CYRIB: variants seen among roughly 807,000 people sequenced by gnomAD.
CYRIB encodes CYFIP-related Rac1 interactor B.
CYRIB carries 8 observed loss-of-function variants against 44.2 expected under a neutral mutation model. That is an observed-to-expected ratio of 0.18 (90% CI 0.11 to 0.33). CYRIB has a LOEUF of 0.33. CYRIB is among the 10% of genes least tolerant of loss of function. The pLI is 1.00. For missense variants in CYRIB, 185 were observed against 382.8 expected (o/e 0.48, Z 4.31); for synonymous variants, 131 against 127.2 (o/e 1.03, Z -0.20).
intron 1 of CYRIB, among the ~76,000 whole-genome samples, chr8:129,906,629 G>A (rs1462457045): frequency 1.3e-5 from 2 of 152,278 alleles, no homozygotes; most frequent in East Asian, 3.9e-4. Context: ...AAGAGCTTCT[G>A]CACAGCAAAA....
intron 1 of CYRIB, among the ~76,000 whole-genome samples, chr8:129,991,737 G>T (rs1293681514): frequency 6.7e-6 from 1 of 149,922 alleles, no homozygotes; most frequent in Non-Finnish European, 1.5e-5. Context: ...ATCACTTGAG[G>T]CCAGGAGTTC....
At chr8:129,876,132 CTTCCATGATGATT>C (rs2059042188) in intron 3 of CYRIB, among the ~76,000 whole-genome samples, 1 of 150,678 alleles carries the variant, frequency 6.6e-6, no homozygotes, top group African/African-American at 2.4e-5. Context: ...AAAAAAAGGT[CTTCCATGATGATT>C]CTCAATCTAC....
rs1208917896 is a variant in CYRIB at position 129,880,647 on chromosome 8, A to G, written c.-10-1176T>C. Among the ~76,000 whole-genome samples, 4 of 152,326 alleles carry G rather than the reference A, an allele frequency of 2.6e-5. No individual in the cohort carries two copies. The South Asian group carries it at 8.3e-4, about 32-fold the overall frequency. On this transcript the variant is annotated intron_variant, in intron 2 of 11. Transcript: ENST00000519824. ...TATAGCTCCTGTCCCTCTTTTCCAC[A>G]TATCAAAAAAGTTACATAAAGCAAG... is the stretch of plus-strand genomic sequence containing the variant.
At chr8:129,926,863 A>G (rs188536624) in intron 1 of CYRIB, among the ~76,000 whole-genome samples, 173 of 152,380 alleles carry the variant, frequency 1.1e-3, no homozygotes, top group African/African-American at 3.3e-3. Context: ...ACCAACTGCC[A>G]AAAAGTTAAT....
chr8:129,952,811 G>A (rs970391826), intron 2 of CYRIB, among the ~76,000 whole-genome samples: 1 of 152,248 alleles, frequency 6.6e-6, no homozygotes, highest in African/African-American at 2.4e-5. Flanking sequence ...ATAAAGGAAA[G>A]ACAATTTACC....
chr8:129,976,364 T>C (rs555836317), intron 1 of CYRIB, among the ~76,000 whole-genome samples: 2 of 152,356 alleles, frequency 1.3e-5, no homozygotes, highest in East Asian at 1.9e-4. Context: ...TAATAATGGA[T>C]ATTCAGAATT....
chr8:130,006,367 T>A (rs1023662457), intron 1 of CYRIB, among the ~76,000 whole-genome samples: 1 of 149,854 alleles, frequency 6.7e-6, no homozygotes, highest in Middle Eastern at 3.4e-3. Flanking sequence ...TATAGTCCCA[T>A]CTACTTGGGG....
Position 129,929,845 on chromosome 8 carries a change from G to A in CYRIB, c.-50+9763C>T, listed in dbSNP as rs1271155163. Among the ~76,000 whole-genome samples, 3 of 152,036 alleles carry A rather than the reference G, an allele frequency of 2.0e-5. No individual in the cohort carries two copies. In the East Asian group the frequency reaches 5.8e-4, roughly 29 times the overall value. ...AACTACCTGGAATAAATTGTTTTAG[G>A]GTACCGGTACCTGTTTAGCCCTACT... On this transcript the variant is annotated intron_variant, in intron 1 of 11. Coordinates refer to ENST00000519824, the Ensembl canonical transcript of CYRIB.
intron 1 of CYRIB, among the ~76,000 whole-genome samples, chr8:129,986,773 G>A (rs149575265): frequency 0.013 from 1,927 of 152,224 alleles, 26 homozygotes; most frequent in Non-Finnish European, 0.02. Flanking sequence ...TATAAGTTAC[G>A]CAGTTTCAGG....
upstream of CYRIB, among the ~76,000 whole-genome samples, chr8:129,944,400 T>A (rs1241368061): frequency 2.0e-5 from 3 of 152,226 alleles, no homozygotes; most frequent in Non-Finnish European, 4.4e-5. Context: ...GCTCCTGGCT[T>A]AGCAGACAAA....
chr8:129,938,374 A>G (rs1442100089), intron 1 of CYRIB, among the ~76,000 whole-genome samples: 1 of 152,228 alleles, frequency 6.6e-6, no homozygotes, highest in East Asian at 1.9e-4. Flanking sequence ...TCTTTTAGCT[A>G]TATAAAACAC....
intron 1 of CYRIB, among the ~76,000 whole-genome samples, chr8:129,930,446 A>T (rs1279402978): frequency 7.1e-6 from 1 of 141,628 alleles, no homozygotes; most frequent in Non-Finnish European, 1.5e-5. Flanking sequence ...TGGTTTAAAA[A>T]CTTTAGTTTT....
chr8:129,842,090 G>T, exon 12 of CYRIB: 1 of 1,331,556 alleles, frequency 7.5e-7, no homozygotes, highest in Non-Finnish European at 1.1e-6. Context: ...TGCATTCTCA[G>T]TCATTGCAGA....
intron 1 of CYRIB, among the ~76,000 whole-genome samples, chr8:129,928,211 C>T (rs924027059): frequency 1.3e-5 from 2 of 151,358 alleles, no homozygotes; most frequent in South Asian, 4.2e-4. Flanking sequence ...TGGTGGCACA[C>T]GTCTGTAGCA....
chr8:129,948,893 T>G (rs545669867), intron 2 of CYRIB: 2 of 152,192 alleles, frequency 1.3e-5, no homozygotes, highest in Non-Finnish European at 2.9e-5. Flanking sequence ...GAGGAGACCC[T>G]GTATGTAGAA....
rs548292437 is a variant in CYRIB, at chr8:129,847,503, T to C, written c.841-629A>G. The stretch of plus-strand genomic sequence containing the variant: ...AATAAAAAATAAAGGACAGAATGAG[T>C]ATGTTACTAAGGAAAAGAAGAACTT... On this transcript the variant is annotated intron_variant, in intron 10 of 11. Coordinates refer to ENST00000519824, the Ensembl canonical transcript of CYRIB. 2.7e-4 allele frequency among the ~76,000 whole-genome samples: 41 copies of C among 152,010 alleles called. No individual in the cohort carries two copies. In the South Asian group the frequency reaches 3.5e-3, roughly 13 times the overall value.
chr8:129,849,628 G>A, intron 9 of CYRIB: 1 of 323,436 alleles, frequency 3.1e-6, no homozygotes, highest in African/African-American at 2.1e-5. Flanking sequence ...TTGCCCCTTT[G>A]ATCTCTAAAA....
chr8:129,861,828 C>T (rs142379102), intron 5 of CYRIB, among the ~76,000 whole-genome samples: 1 of 152,100 alleles, frequency 6.6e-6, no homozygotes, highest in African/African-American at 2.4e-5. Context: ...TCTTTGATTT[C>T]TTTGGATGCT....
At chr8:130,016,112 C>A (rs13253600) in intron 1 of CYRIB, among the ~76,000 whole-genome samples, 1 of 148,702 alleles carries the variant, frequency 6.7e-6, no homozygotes, top group Admixed American at 6.7e-5. Context: ...CCCCTCGCGT[C>A]CGCCCGCCGC....
Sources: gnomAD v4.1 joint callset for allele counts (sites outside exome capture counted in the v4.1 genomes callset) on GRCh38, gnomAD v4.1.1 for gene constraint, MANE v1.5 for transcripts, NCBI Gene and HGNC (gene_info 2026-07-23, HGNC 2026-07-21) for gene names.